SS18: variants seen among roughly 807,000 people sequenced by gnomAD.
The protein encoded by SS18 is SS18 subunit of BAF chromatin remodeling complex.
Under a neutral mutation model 72.5 loss-of-function variants are expected in SS18, and 28 were observed. The observed-to-expected ratio is 0.39, with a 90% confidence interval of 0.29 to 0.53. The LOEUF (loss-of-function observed/expected upper bound fraction) is 0.53. Among genes scored for constraint, SS18 ranks in the 20% least tolerant of loss-of-function variants. SS18 has a pLI of 0.76. For missense variants in SS18, 518 were observed against 535.3 expected (o/e 0.97, Z 0.32); for synonymous variants, 172 against 164.2 (o/e 1.05, Z -0.37).
chr18:26,048,637 T>C (rs949468530), intron 5 of SS18, among the ~76,000 whole-genome samples: 3 of 152,202 alleles, frequency 2.0e-5, no homozygotes, highest in Non-Finnish European at 2.9e-5. Context: ...ATATAACGAA[T>C]GTGAACAGTT....
chr18:26,087,524 T>C lies in SS18; in HGVS notation c.123A>G (p.Lys41=). 1 of 1,595,588 alleles carries C rather than the reference T, an allele frequency of 6.3e-7. No individual in the cohort carries two copies. The highest frequency in any genetic ancestry group is 8.6e-7 in the Non-Finnish European group (1 of 1,168,688). Residue 41 remains lysine (K), a synonymous_variant, in exon 2 of 11, where the codon AAA becomes AAG. Coordinates refer to ENST00000415083, the MANE Select transcript of SS18 (RefSeq NM_001007559.3). The part of the protein sequence containing the change: ...LIQCIMDSQN[K]GKTSECSQYQ... Reference sequence around the variant, plus strand: ...ACTGAGAACACTCTGAGGTCTTTCCTTTATTCTGAGAGTCCATTATACACT... The same window carrying C: ...ACTGAGAACACTCTGAGGTCTTTCCCTTATTCTGAGAGTCCATTATACACT...
chr18:26,039,654 C>G (rs934007392), intron 5 of SS18, among the ~76,000 whole-genome samples, 198 bp from the exon 6 acceptor site: 1 of 151,894 alleles, frequency 6.6e-6, no homozygotes, highest in African/African-American at 2.4e-5. Context: ...AGAAAATAAC[C>G]AATCCATGGT....
intron 2 of SS18, among the ~76,000 whole-genome samples, chr18:26,084,586 T>G (rs1209511087): frequency 6.6e-6 from 1 of 152,104 alleles, no homozygotes; most frequent in African/African-American, 2.4e-5. Context: ...TCACCAATAT[T>G]GGGACAAACT....
intron 10 of SS18, among the ~76,000 whole-genome samples, chr18:26,019,789 C>CAAAA (rs869179852): frequency 1.6e-5 from 1 of 62,564 alleles, no homozygotes; most frequent in Non-Finnish European, 3.0e-5. Context: ...AACTCTGTCT[C>CAAAA]AAAAAAAAAA....
chr18:26,085,418 C>T (rs931682539), intron 2 of SS18, among the ~76,000 whole-genome samples: 1 of 152,204 alleles, frequency 6.6e-6, no homozygotes, highest in Non-Finnish European at 1.5e-5. Context: ...CTACTGCTCA[C>T]AGGGGTAGCT....
At chr18:26,054,604 A>G (rs1481525088) in intron 4 of SS18, among the ~76,000 whole-genome samples, 1 of 152,190 alleles carries the variant, frequency 6.6e-6, no homozygotes, top group Non-Finnish European at 1.5e-5. Context: ...GAATAAAATA[A>G]TGGTCTCCAA....
intron 2 of SS18, among the ~76,000 whole-genome samples, chr18:26,081,782 G>A (rs72878239): frequency 0.032 from 4,813 of 151,224 alleles, 103 homozygotes; most frequent in Admixed American, 0.054. Context: ...GTTGTGCTGG[G>A]CACAGTGGCT....
In SS18 at chr18:26,054,578, C is replaced by A. The variant is rs576582627; in HGVS notation, c.386-1733G>T. On this transcript the variant is annotated intron_variant, in intron 4 of 10. Transcript: ENST00000415083. ...ATGATAGAGACCAAAAAGAATAAGGCATCTATTTACATATGGAATAAAATA... is the reference window on the plus strand; with the variant it reads ...ATGATAGAGACCAAAAAGAATAAGGAATCTATTTACATATGGAATAAAATA... Among the ~76,000 whole-genome samples the A allele has an allele frequency of 5.9e-5, 9 of 151,770 alleles. No individual in the cohort carries two copies. The South Asian group carries it at 1.9e-3, about 32-fold the overall frequency.
Position 26,032,564 on chromosome 18 carries a change from T to A in SS18, c.1097-32A>T, listed in dbSNP as rs771680846. 3.1e-6 allele frequency: 5 copies of A among 1,609,456 alleles called. No individual in the cohort carries two copies. The Middle Eastern group carries it at 5.0e-4, about 162-fold the overall frequency. ...ATAATGTACACAACAAAAACCCACA[T>A]AAAAAGGTAAGTCCCTAGAACTCAG... On this transcript the variant is annotated intron_variant, in intron 9 of 10. Transcript: ENST00000415083.
At chr18:26,022,847 C>T (rs553091800) in intron 10 of SS18, among the ~76,000 whole-genome samples, 1 of 152,250 alleles carries the variant, frequency 6.6e-6, no homozygotes, top group African/African-American at 2.4e-5. Context: ...GGAAACAATA[C>T]TTGTTTGTCA....
intron 5 of SS18, among the ~76,000 whole-genome samples, chr18:26,043,819 G>C (rs890467395): frequency 1.3e-5 from 2 of 152,082 alleles, no homozygotes; most frequent in African/African-American, 2.4e-5. Flanking sequence ...CATGATTCTA[G>C]CAAGTAAAGA....
At chr18:26,086,076 T>C (rs2054610612) in intron 2 of SS18, 1 of 152,148 alleles carries the variant, frequency 6.6e-6, no homozygotes, top group East Asian at 1.9e-4. Context: ...ACTGAACATG[T>C]AGGCTTTTTT....
intron 3 of SS18, among the ~76,000 whole-genome samples, chr18:26,073,632 T>C (rs1048544686): frequency 6.6e-6 from 1 of 152,228 alleles, no homozygotes; most frequent in Non-Finnish European, 1.5e-5. Flanking sequence ...AATGTATTAC[T>C]GGCTGCCACA....
chr18:26,023,678 A>C (rs1224971364), intron 10 of SS18: 1 of 524,262 alleles, frequency 1.9e-6, no homozygotes. Flanking sequence ...CAAAATAAAC[A>C]TTTTTTTCAG....
chr18:26,082,477 ATTTT>A, intron 2 of SS18: 3 of 983,286 alleles, frequency 3.1e-6, no homozygotes, highest in Non-Finnish European at 3.6e-6. Flanking sequence ...ATCGACACTA[ATTTT>A]TTTTGTTGTT....
At chr18:26,053,134 T>C (rs558300039) in intron 4 of SS18, among the ~76,000 whole-genome samples, 108 of 152,332 alleles carry the variant, frequency 7.1e-4, no homozygotes, top group African/African-American at 2.6e-3. Flanking sequence ...AGTAATTAAC[T>C]ATGAACATAA....
chr18:26,056,878 G>C (rs893354918), intron 4 of SS18, among the ~76,000 whole-genome samples: 1 of 152,114 alleles, frequency 6.6e-6, no homozygotes, highest in Non-Finnish European at 1.5e-5. Context: ...AAAGATACTT[G>C]TATGATTAAA....
chr18:26,033,700 G>C (rs1000591499), intron 9 of SS18, among the ~76,000 whole-genome samples: 5 of 151,838 alleles, frequency 3.3e-5, no homozygotes, highest in Non-Finnish European at 7.4e-5. Context: ...TTTATTTCTA[G>C]TGGAAATAAA....
Position 26,051,366 on chromosome 18 carries a change from C to T in SS18, c.607+1258G>A, listed in dbSNP as rs116861814. ...TCTAAAAACACCTCAATACTTTTCTCCAAAAAGTCAATATGCACATTGCTA... is the reference window on the plus strand; with the variant it reads ...TCTAAAAACACCTCAATACTTTTCTTCAAAAAGTCAATATGCACATTGCTA... On this transcript the variant is annotated intron_variant, in intron 5 of 10. Coordinates refer to ENST00000415083, the MANE Select transcript of SS18 (RefSeq NM_001007559.3). Among the ~76,000 whole-genome samples, 1,462 of 152,282 alleles carry T rather than the reference C, an allele frequency of 9.6e-3. 13 individuals carry two copies. Among genetic ancestry groups the T allele is most frequent in the Non-Finnish European group, 0.013 (904 of 68,024 alleles).
Sources: gnomAD v4.1 joint callset for allele counts (sites outside exome capture counted in the v4.1 genomes callset) on GRCh38, gnomAD v4.1.1 for gene constraint, MANE v1.5 for transcripts, NCBI Gene and HGNC (gene_info 2026-07-23, HGNC 2026-07-21) for gene names.